The following TCF4 variants were observed in gnomAD, a reference collection of about 807,000 sequenced individuals.
TCF4 encodes the protein transcription factor 4, also known as SL3-3 enhancer factor 2.
In TCF4, 3 loss-of-function variants were observed where a neutral mutation model predicts 82.1. That is an observed-to-expected ratio of 0.04 (90% CI 0.02 to 0.09). The LOEUF (loss-of-function observed/expected upper bound fraction) is 0.09, where lower values mean the gene tolerates loss of function less well. Among genes scored for constraint, TCF4 ranks in the 10% least tolerant of loss-of-function variants. The pLI, the probability that TCF4 is intolerant of heterozygous loss-of-function variation, is 1.00. For synonymous variants in TCF4, 276 were observed against 309.6 expected (o/e 0.89, Z 1.14); for missense variants, 518 against 852.7 (o/e 0.61, Z 4.89).
chr18:55,241,292 T>C (rs1213477713), intron 15 of TCF4, among the ~76,000 whole-genome samples: 3 of 152,228 alleles, frequency 2.0e-5, no homozygotes, highest in Non-Finnish European at 2.9e-5. Flanking sequence ...CGACATCATT[T>C]TCCTATACAG....
intron 3 of TCF4, among the ~76,000 whole-genome samples, chr18:55,552,338 T>C (rs2097267383): frequency 6.6e-6 from 1 of 152,192 alleles, no homozygotes; most frequent in African/African-American, 2.4e-5. Context: ...ATAATTTAAG[T>C]TTAATCTTGA....
chr18:55,402,136 T>G (rs2093856896), intron 6 of TCF4: 1 of 985,468 alleles, frequency 1.0e-6, no homozygotes, highest in South Asian at 4.7e-5. Context: ...TGCCATGAAC[T>G]GCACTCCGGC....
intron 6 of TCF4, among the ~76,000 whole-genome samples, chr18:55,365,199 G>A (rs2086643563): frequency 4.1e-5 from 5 of 121,062 alleles, no homozygotes; most frequent in African/African-American, 1.1e-4. Context: ...ATATGTGTGT[G>A]TGTGTGTGTG....
intron 3 of TCF4, among the ~76,000 whole-genome samples, chr18:55,572,729 G>A (rs2097485835): frequency 6.6e-6 from 1 of 152,070 alleles, no homozygotes; most frequent in Non-Finnish European, 1.5e-5. Context: ...CCATCATAAT[G>A]TTTACTGCTC....
intron 6 of TCF4, among the ~76,000 whole-genome samples, chr18:55,381,595 A>C (rs1401422120): frequency 6.6e-6 from 1 of 152,256 alleles, no homozygotes; most frequent in Admixed American, 6.5e-5. Flanking sequence ...TATGAATTTA[A>C]GTGTAGTAGG....
chr18:55,330,011 C>A (rs986676417), intron 8 of TCF4, among the ~76,000 whole-genome samples: 1 of 152,106 alleles, frequency 6.6e-6, no homozygotes, highest in Non-Finnish European at 1.5e-5. Flanking sequence ...GAACTGAATG[C>A]CACATTCTTT....
chr18:55,293,064 T>C (rs1347836781), intron 8 of TCF4, among the ~76,000 whole-genome samples: 5 of 152,136 alleles, frequency 3.3e-5, no homozygotes, highest in Non-Finnish European at 5.9e-5. Flanking sequence ...CTGCTCAACA[T>C]TGTGAATGTA....
chr18:55,378,536 T>C (rs1451491068), intron 6 of TCF4, among the ~76,000 whole-genome samples: 1 of 152,156 alleles, frequency 6.6e-6, no homozygotes, highest in African/African-American at 2.4e-5. Context: ...TGAGGAGACT[T>C]AGGTATAGCA....
intron 6 of TCF4, among the ~76,000 whole-genome samples, chr18:55,375,050 A>G (rs367668731): frequency 1.3e-5 from 2 of 151,872 alleles, no homozygotes; most frequent in East Asian, 3.9e-4. Flanking sequence ...AAAGAAAATG[A>G]CAGGCTCCTC....
chr18:55,616,150 G>C (rs559340330), intron 2 of TCF4, among the ~76,000 whole-genome samples: 1 of 151,942 alleles, frequency 6.6e-6, no homozygotes, highest in Non-Finnish European at 1.5e-5. Context: ...CTTCCCAGCC[G>C]CTGGCAACCA....
intron 10 of TCF4, among the ~76,000 whole-genome samples, chr18:55,273,359 G>A (rs913963412): frequency 3.3e-5 from 5 of 152,080 alleles, no homozygotes; most frequent in African/African-American, 4.8e-5. Context: ...CAGGAACAGC[G>A]CTTAGCTTTT....
intron 6 of TCF4, among the ~76,000 whole-genome samples, chr18:55,374,416 A>G (rs2090187947): frequency 6.6e-6 from 1 of 152,068 alleles, no homozygotes; most frequent in Non-Finnish European, 1.5e-5. Context: ...GAGAGAAAAC[A>G]GAAATCAACA....
intron 7 of TCF4, 83 bp downstream of exon 7, chr18:55,350,791 G>A: frequency 6.3e-7 from 1 of 1,590,592 alleles, no homozygotes; most frequent in Non-Finnish European, 8.6e-7. Flanking sequence ...AGGTAGGATG[G>A]GGGGGCGATA....
intron 5 of TCF4, among the ~76,000 whole-genome samples, chr18:55,408,573 G>A (rs568349675): frequency 7.0e-4 from 107 of 152,236 alleles, no homozygotes; most frequent in African/African-American, 2.5e-3. Context: ...GTCCAAATAA[G>A]AATAGCTGTG....
intron 8 of TCF4, among the ~76,000 whole-genome samples, chr18:55,290,820 A>C (rs1467346887): frequency 2.0e-5 from 3 of 152,112 alleles, no homozygotes; most frequent in Admixed American, 6.5e-5. Context: ...GAATGAAAAG[A>C]CAGTGAGGCC....
intron 3 of TCF4, among the ~76,000 whole-genome samples, chr18:55,557,742 C>T (rs1352222308): frequency 6.6e-6 from 1 of 152,146 alleles, no homozygotes; most frequent in Admixed American, 6.5e-5. Flanking sequence ...TTCCCCACCC[C>T]TACTCAGGTA....
chr18:55,351,109 T>C, intron 6 of TCF4, 106 bp from the exon 7 acceptor site: 1 of 1,393,310 alleles, frequency 7.2e-7, no homozygotes, highest in Non-Finnish European at 1.0e-6. Context: ...GCAAACAGCA[T>C]CTGCTAAGCT....
rs897909930 is a variant in TCF4, at chr18:55,225,262, C to G, written c.*2773G>C. 6.6e-6 allele frequency: 1 copy of G among 152,500 alleles called. No individual in the cohort carries two copies. The highest frequency in any genetic ancestry group is 2.4e-5 in the African/African-American group (1 of 41,414). 9.4% of individuals were successfully genotyped at this position (152,500 alleles called of 1,614,324 possible). A position where few individuals can be genotyped will look rare whatever the true frequency, so the allele number is the denominator to read the frequency against. ...TAATGAATACATCAAAGCTGGTGAA[C>G]AATAAATTGCAGCTTTTACTCTGAG... is the stretch of plus-strand genomic sequence containing the variant. On this transcript the variant is annotated 3_prime_UTR_variant, in exon 20 of 20. Transcript: ENST00000354452.
chr18:55,624,979 G>A (rs553662166), intron 2 of TCF4, among the ~76,000 whole-genome samples: 8 of 152,088 alleles, frequency 5.3e-5, no homozygotes, highest in East Asian at 1.9e-4. Flanking sequence ...AAAAATAGCC[G>A]ACTTTTTTTT....
Sources: gnomAD v4.1 joint callset for allele counts (sites outside exome capture counted in the v4.1 genomes callset) on GRCh38, gnomAD v4.1.1 for gene constraint, MANE v1.5 for transcripts, NCBI Gene and HGNC (gene_info 2026-07-23, HGNC 2026-07-21) for gene names.